The following GRID1 variants were observed in gnomAD, a reference collection of about 807,000 sequenced individuals.
GRID1 encodes glutamate ionotropic receptor delta type subunit 1.
A neutral mutation model predicts 98.0 loss-of-function variants in GRID1; 28 were observed. That is an observed-to-expected ratio of 0.29 (90% CI 0.21 to 0.39). GRID1 has a LOEUF of 0.39. Among genes scored for constraint, GRID1 ranks in the 10% least tolerant of loss-of-function variants. The pLI is 1.00. For synonymous variants in GRID1, 553 were observed against 538.5 expected (o/e 1.03, Z -0.37); for missense variants, 1,111 against 1,340.5 (o/e 0.83, Z 2.67).
chr10:85,645,815 C>T (rs1312893782), intron 13 of GRID1: 3 of 152,300 alleles, frequency 2.0e-5, no homozygotes, highest in Non-Finnish European at 4.4e-5. Context: ...CGACCATCTT[C>T]CCAGTGGGCC....
In GRID1 at chr10:85,883,369, C is replaced by T. The variant is rs527487473; in HGVS notation, c.781-14189G>A. ...TTAAGCACACTTATTTAATATTCTA[C>T]GTCAGATACTTCTAAATACGTAAAG... On this transcript the variant is annotated intron_variant, in intron 5 of 15. Transcript: ENST00000327946. Among the ~76,000 whole-genome samples, 6 of 152,294 alleles carry T rather than the reference C, an allele frequency of 3.9e-5. No homozygotes were observed. In the South Asian group the frequency reaches 8.3e-4, roughly 21 times the overall value.
intron 8 of GRID1, among the ~76,000 whole-genome samples, chr10:85,762,450 TCTC>T (rs1331697900): frequency 1.3e-5 from 2 of 152,222 alleles, no homozygotes; most frequent in Non-Finnish European, 2.9e-5. Flanking sequence ...GAATTAGAAT[TCTC>T]CTAGGGTGTA....
chr10:85,706,056 C>A (rs1841514244), intron 12 of GRID1, among the ~76,000 whole-genome samples: 1 of 152,130 alleles, frequency 6.6e-6, no homozygotes, highest in Non-Finnish European at 1.5e-5. Flanking sequence ...TGGCACAAGA[C>A]AGGGATGCCC....
At chr10:85,901,160 C>T (rs1423152208) in intron 5 of GRID1, among the ~76,000 whole-genome samples, 1 of 152,144 alleles carries the variant, frequency 6.6e-6, no homozygotes, top group Admixed American at 6.5e-5. Flanking sequence ...AACTTTCCCA[C>T]AGGATGTGAG....
chr10:86,207,446 A>G (rs1396344143), intron 2 of GRID1, among the ~76,000 whole-genome samples: 3 of 152,134 alleles, frequency 2.0e-5, no homozygotes, highest in African/African-American at 7.2e-5. Flanking sequence ...CATCTTTACA[A>G]GTTCTCCTGT....
chr10:85,936,029 T>A (rs892713066), intron 4 of GRID1, among the ~76,000 whole-genome samples: 2 of 152,114 alleles, frequency 1.3e-5, no homozygotes, highest in East Asian at 1.9e-4. Flanking sequence ...TCAGGGTCCA[T>A]CATCTGCAAC....
intron 12 of GRID1, among the ~76,000 whole-genome samples, chr10:85,678,501 G>T (rs1385971397): frequency 6.6e-6 from 1 of 152,126 alleles, no homozygotes; most frequent in East Asian, 1.9e-4. Flanking sequence ...CAAAGATGAG[G>T]TCTAAAACTT....
At chr10:86,140,843 C>T (rs553006584) in intron 3 of GRID1, among the ~76,000 whole-genome samples, 1 of 152,212 alleles carries the variant, frequency 6.6e-6, no homozygotes, top group East Asian at 1.9e-4. Context: ...AGGCCACCTG[C>T]TTGTGTCTCA....
intron 13 of GRID1, among the ~76,000 whole-genome samples, chr10:85,642,657 A>T (rs776738401): frequency 5.3e-5 from 8 of 152,178 alleles, no homozygotes; most frequent in Non-Finnish European, 8.8e-5. Context: ...AATAAATAAA[A>T]ATTCCCTCCT....
At position 86,321,723 on chromosome 10, in the gene GRID1, C is replaced by T. The variant is rs183673430; in HGVS notation, c.235+42218G>A. Among the ~76,000 whole-genome samples, 361 of 152,194 alleles carry T rather than the reference C, an allele frequency of 2.4e-3. 2 individuals are homozygous for T. The highest frequency in any genetic ancestry group is 0.02 in the Admixed American group (309 of 15,286). On this transcript the variant is annotated intron_variant, in intron 2 of 15. Transcript: ENST00000327946. Reference sequence around the variant, plus strand: ...GCAGTGACCTGCAAAAGCAACTGCCCGCAGGCAGAAGCAGGGAGTAGGGGA... The same window carrying T: ...GCAGTGACCTGCAAAAGCAACTGCCTGCAGGCAGAAGCAGGGAGTAGGGGA...
chr10:85,629,601 A>G (rs1184988804), intron 13 of GRID1, among the ~76,000 whole-genome samples: 2 of 152,214 alleles, frequency 1.3e-5, no homozygotes, highest in African/African-American at 4.8e-5. Context: ...CCTTTGCATA[A>G]ATATACATAT....
intron 4 of GRID1, among the ~76,000 whole-genome samples, chr10:86,099,943 T>G (rs1844272300): frequency 6.6e-6 from 1 of 152,182 alleles, no homozygotes; most frequent in South Asian, 2.1e-4. Context: ...CTCATGGGGC[T>G]GGGGCTCTAA....
intron 3 of GRID1, among the ~76,000 whole-genome samples, chr10:86,158,046 C>T (rs1845270610): frequency 6.6e-6 from 1 of 152,208 alleles, no homozygotes; most frequent in South Asian, 2.1e-4. Flanking sequence ...TCTGCTGTGT[C>T]ATTTCATGCC....
At chr10:86,329,864 T>C (rs973698760) in intron 2 of GRID1, among the ~76,000 whole-genome samples, 1 of 152,156 alleles carries the variant, frequency 6.6e-6, no homozygotes, top group African/African-American at 2.4e-5. Context: ...CATCACAGTT[T>C]GGCATCACTG....
Position 85,786,765 on chromosome 10 carries a change from G to A in GRID1, c.1234-57151C>T, listed in dbSNP as rs559864294. The stretch of plus-strand genomic sequence containing the variant: ...CATGCCCCACCCCCCGCCAGGACCC[G>A]GCTGATAGGAAGGAGATTTGTGCAG... On this transcript the variant is annotated intron_variant, in intron 8 of 15. Transcript: ENST00000327946. 2.3e-3 allele frequency among the ~76,000 whole-genome samples: 351 copies of A among 152,302 alleles called. 1 individual carries two copies. Among genetic ancestry groups the A allele is most frequent in the African/African-American group, 8.2e-3 (340 of 41,572 alleles).
intron 2 of GRID1, among the ~76,000 whole-genome samples, chr10:86,270,593 C>T (rs1431861258): frequency 1.3e-5 from 2 of 151,930 alleles, no homozygotes; most frequent in African/African-American, 2.4e-5. Context: ...AGGAGGCTGA[C>T]GTAGGAGAAC....
At chr10:86,231,719 C>A (rs1296221385) in intron 2 of GRID1, among the ~76,000 whole-genome samples, 2 of 152,188 alleles carry the variant, frequency 1.3e-5, no homozygotes, top group Admixed American at 6.5e-5. Flanking sequence ...CTATTATTAA[C>A]CACCACAGGA....
intron 12 of GRID1, among the ~76,000 whole-genome samples, chr10:85,702,103 G>C (rs1178294381): frequency 6.6e-6 from 1 of 152,032 alleles, no homozygotes; most frequent in Non-Finnish European, 1.5e-5. Context: ...TATATTGTTA[G>C]AAAAGCATAT....
chr10:85,939,332 T>G (rs1446278000), intron 4 of GRID1, among the ~76,000 whole-genome samples: 1 of 152,230 alleles, frequency 6.6e-6, no homozygotes, highest in East Asian at 1.9e-4. Flanking sequence ...GATGCTGCCA[T>G]AAATTACCAC....
Sources: allele counts gnomAD v4.1 joint callset (sites outside exome capture counted in the v4.1 genomes callset), GRCh38; gene constraint gnomAD v4.1.1; transcripts MANE v1.5; gene names NCBI Gene and HGNC (gene_info 2026-07-23, HGNC 2026-07-21).